Variants in RGS12 observed in about 807,000 individuals in gnomAD.
RGS12 encodes the protein regulator of G-protein signaling 12.
A neutral mutation model predicts 120.1 loss-of-function variants in RGS12; 66 were observed. That is an observed-to-expected ratio of 0.55 (90% CI 0.45 to 0.67). RGS12 has a LOEUF of 0.67. Ranked by LOEUF, RGS12 falls within the 30% of genes least tolerant of loss-of-function variation. The probability of loss-of-function intolerance (pLI) is 0.00; values close to 1 mark genes in which losing one functional copy is unlikely to be tolerated. For missense variants in RGS12, 1,859 were observed against 1,957.7 expected, an observed-to-expected ratio of 0.95 and a Z score of 0.95; for synonymous variants, 827 against 804.7, an observed-to-expected ratio of 1.03 and a Z score of -0.47.
chr4:3,391,310 C>A (rs901443668), intron 4 of RGS12, among the ~76,000 whole-genome samples: 1 of 152,158 alleles, frequency 6.6e-6, no homozygotes, highest in African/African-American at 2.4e-5. Flanking sequence ...GGATGCCTTC[C>A]GATGTACTTG....
chr4:3,336,300 T>C (rs1295222550), intron 2 of RGS12, among the ~76,000 whole-genome samples: 1 of 152,232 alleles, frequency 6.6e-6, no homozygotes, highest in African/African-American at 2.4e-5. Flanking sequence ...TCAGAGTCCC[T>C]CTGCCTTTCC....
intron 1 of RGS12, among the ~76,000 whole-genome samples, chr4:3,300,455 C>T (rs754829002): frequency 3.7e-5 from 5 of 136,414 alleles, no homozygotes; most frequent in Non-Finnish European, 6.3e-5. Flanking sequence ...AGGCTGGGGA[C>T]GTTGGCCCTG....
rs1395886909 is a variant in RGS12, at chr4:3,389,411, A to C, written c.2020+2974A>C. ...TGGTCTGCCTTGTGGGAAGTTATTC[A>C]GACAGAAGTGTGAGGTCGAGCTGGA... On this transcript the variant is annotated intron_variant, in intron 4 of 17. Coordinates refer to ENST00000336727, the MANE Select transcript of RGS12 (RefSeq NM_001394154.1). The surrounding 1 kb of genome is among the most constrained non-coding windows in gnomAD (Gnocchi z 5.2). 6.6e-6 allele frequency among the ~76,000 whole-genome samples: 1 copy of C among 152,178 alleles called. No homozygotes were observed. Among genetic ancestry groups the C allele is most frequent in the East Asian group, 1.9e-4 (1 of 5,186 alleles).
At chr4:3,367,710 C>T (rs1334956393) in intron 3 of RGS12, among the ~76,000 whole-genome samples, 2 of 152,238 alleles carry the variant, frequency 1.3e-5, no homozygotes, top group African/African-American at 2.4e-5. Flanking sequence ...CCTGCCCCAT[C>T]CCTTTCCTCA....
chr4:3,310,801 G>C (rs927642039), intron 1 of RGS12, among the ~76,000 whole-genome samples: 1 of 152,152 alleles, frequency 6.6e-6, no homozygotes, highest in Non-Finnish European at 1.5e-5. Context: ...GCGCCTGCGG[G>C]GGCAGGTCCC....
At chr4:3,348,036 CT>C (rs1713986077) in intron 3 of RGS12, among the ~76,000 whole-genome samples, 1 of 152,174 alleles carries the variant, frequency 6.6e-6, no homozygotes. Context: ...CCAGATAAGT[CT>C]TTGTAAGATG....
chr4:3,331,184 G>A (rs1290592939), intron 2 of RGS12, among the ~76,000 whole-genome samples: 1 of 152,114 alleles, frequency 6.6e-6, no homozygotes, highest in Non-Finnish European at 1.5e-5. Flanking sequence ...TCCTGTTTTG[G>A]TGTAAAAAAT....
chr4:3,417,721 G>A (rs1722569244), intron 9 of RGS12, 180 bp downstream of exon 9: 3 of 641,780 alleles, frequency 4.7e-6, no homozygotes, highest in African/African-American at 3.7e-5. Context: ...GACACGACCT[G>A]TCAGCCAGCC....
chr4:3,340,385 G>A (rs1030862207), intron 2 of RGS12, among the ~76,000 whole-genome samples: 1 of 152,254 alleles, frequency 6.6e-6, no homozygotes, highest in Non-Finnish European at 1.5e-5. Context: ...GAGAGAGGAC[G>A]CTGGGGAGTC....
At chr4:3,301,107 C>T (rs1723661589) in intron 1 of RGS12, among the ~76,000 whole-genome samples, 1 of 151,458 alleles carries the variant, frequency 6.6e-6, no homozygotes, top group African/African-American at 2.4e-5. Context: ...CTGCCCTCCT[C>T]TGTAACACGG....
At chr4:3,331,145 G>T (rs751680714) in intron 2 of RGS12, among the ~76,000 whole-genome samples, 4 of 152,162 alleles carry the variant, frequency 2.6e-5, no homozygotes, top group Non-Finnish European at 5.9e-5. Context: ...AGTGGAAAAT[G>T]CAAGTCACAA....
intron 4 of RGS12, among the ~76,000 whole-genome samples, chr4:3,409,071 C>T (rs1721453020): frequency 6.6e-6 from 1 of 152,224 alleles, no homozygotes; most frequent in South Asian, 2.1e-4. Flanking sequence ...TGAGTGGGTC[C>T]TGGAGCCTGG....
At chr4:3,370,595 C>G (rs1344566640) in intron 3 of RGS12, among the ~76,000 whole-genome samples, 1 of 152,250 alleles carries the variant, frequency 6.6e-6, no homozygotes, top group African/African-American at 2.4e-5. Context: ...TAAGTCAGAA[C>G]TTACGGAAAG....
intron 4 of RGS12, among the ~76,000 whole-genome samples, chr4:3,403,466 C>G (rs1439090696): frequency 6.6e-6 from 1 of 152,228 alleles, no homozygotes; most frequent in East Asian, 1.9e-4. Context: ...AATGTGGAGT[C>G]TGGGCCCAGC....
At chr4:3,306,883 G>A (rs760292477) in intron 1 of RGS12, among the ~76,000 whole-genome samples, 1 of 152,122 alleles carries the variant, frequency 6.6e-6, no homozygotes, top group African/African-American at 2.4e-5. Flanking sequence ...GGGTGATGGG[G>A]TGATGGGGTT....
chr4:3,353,595 G>A (rs1288522491), intron 3 of RGS12, among the ~76,000 whole-genome samples: 1 of 152,164 alleles, frequency 6.6e-6, no homozygotes, highest in Non-Finnish European at 1.5e-5. Context: ...AACCGTCTTG[G>A]TTTGAGTTGG....
At chr4:3,345,440 A>G (rs1414632896) in intron 3 of RGS12, among the ~76,000 whole-genome samples, 1 of 152,202 alleles carries the variant, frequency 6.6e-6, no homozygotes, top group East Asian at 1.9e-4. Flanking sequence ...ATAGCTGACC[A>G]GTCATCCTGC....
intron 3 of RGS12, among the ~76,000 whole-genome samples, chr4:3,354,733 A>G (rs756368170): frequency 6.6e-6 from 1 of 152,240 alleles, no homozygotes; most frequent in African/African-American, 2.4e-5. Flanking sequence ...AACTTGTGGG[A>G]TATAGCTGAA....
At chr4:3,338,469 G>C (rs979019274) in intron 2 of RGS12, among the ~76,000 whole-genome samples, 6 of 152,210 alleles carry the variant, frequency 3.9e-5, no homozygotes, top group African/African-American at 1.4e-4. Flanking sequence ...GAGGGAACCC[G>C]ATGCTTTTCT....
Sources: gnomAD v4.1 joint callset for allele counts (sites outside exome capture counted in the v4.1 genomes callset) on GRCh38, gnomAD v4.1.1 for gene constraint, Gnocchi (gnomAD v3.1) non-coding constraint, MANE v1.5 for transcripts, NCBI Gene and HGNC (gene_info 2026-07-23, HGNC 2026-07-21) for gene names.